WASL: variants seen among roughly 807,000 people sequenced by gnomAD.
WASL encodes the protein WASP like actin nucleation promoting factor, also known as actin nucleation-promoting factor WASL.
Under a neutral mutation model 55.5 loss-of-function variants are expected in WASL, and 20 were observed. The observed-to-expected ratio is 0.36, with a 90% CI of 0.25 to 0.52. The LOEUF is 0.52. Ranked by LOEUF, WASL falls within the 20% of genes least tolerant of loss-of-function variation. The pLI is 0.92. For missense variants in WASL, 504 were observed against 622.5 expected (o/e 0.81, Z 2.03); for synonymous variants, 249 against 217.6 (o/e 1.14, Z -1.27).
At chr7:123,686,193 T>C (rs926854428) in intron 10 of WASL, among the ~76,000 whole-genome samples, 27 of 151,692 alleles carry the variant, frequency 1.8e-4, no homozygotes, top group Non-Finnish European at 3.7e-4. Context: ...AAAACGATAA[T>C]TATTTATTAT....
intron 1 of WASL, among the ~76,000 whole-genome samples, chr7:123,717,756 T>C (rs1239733829): frequency 6.6e-6 from 1 of 152,212 alleles, no homozygotes; most frequent in Non-Finnish European, 1.5e-5. Context: ...CGATAGTAAA[T>C]AAATTTTGAG....
intron 1 of WASL, 100 bp from the exon 2 acceptor site, chr7:123,709,323 C>T (rs1803720160): frequency 1.1e-6 from 1 of 919,258 alleles, no homozygotes. Context: ...CTAAGCTGCT[C>T]CTAAATTCCT....
chr7:123,729,420 A>G (rs73718468), intron 1 of WASL, among the ~76,000 whole-genome samples: 3,271 of 151,572 alleles, frequency 0.022, 139 homozygotes, highest in African/African-American at 0.076. Context: ...AATCAGCACT[A>G]TATTTTTAAT....
rs376787353 is a variant in WASL, at chr7:123,696,678, G to A, written c.530C>T (p.Pro177Leu). The A allele has an allele frequency of 8.1e-5, 130 of 1,603,468 alleles. No individual in the cohort carries two copies. The highest frequency in any genetic ancestry group is 1.0e-4 in the Non-Finnish European group (118 of 1,174,736). The change falls in exon 6 of 11, where the codon CCA becomes CTA. Residue 177 changes from proline to leucine, a missense_variant. Physicochemically the swap from Pro to Leu is moderately conservative, Grantham distance 98. Around this residue, in one of 5 missense-constraint regions of WASL, gnomAD observed 230 missense variants for 271.9 expected, o/e 0.85. Coordinates refer to ENST00000223023, the MANE Select transcript of WASL (RefSeq NM_003941.4). ...GGTATGGGAGATGTTGTTGACTTGT[G>A]GACCATAAAATCTATTTGTTGTGAT... ...PEITTNRFYG[P>L]QVNNISHTKE... is the part of the protein sequence containing the mutation.
chr7:123,706,489 G>C, intron 3 of WASL, 116 bp from the exon 4 acceptor site: 18 of 964,894 alleles, frequency 1.9e-5, no homozygotes, highest in Non-Finnish European at 2.8e-5. Flanking sequence ...AATTTTACTA[G>C]CAGATAAGAC....
At chr7:123,747,548 G>A (rs1462238916) in intron 1 of WASL, among the ~76,000 whole-genome samples, 1 of 152,122 alleles carries the variant, frequency 6.6e-6, no homozygotes, top group Admixed American at 6.5e-5. Flanking sequence ...ATCTGGTTTG[G>A]CATACCTAAT....
At chr7:123,706,972 AG>A in intron 2 of WASL, 146 bp from the exon 3 acceptor site, 1 of 441,836 alleles carries the variant, frequency 2.3e-6, no homozygotes, top group Non-Finnish European at 4.0e-6. Context: ...ATATATAAAT[AG>A]TGTCACATAA....
At chr7:123,692,227 T>C (rs912142493) in intron 9 of WASL, 120 bp downstream of exon 9, 1 of 1,349,618 alleles carries the variant, frequency 7.4e-7, no homozygotes, top group African/African-American at 1.5e-5. Flanking sequence ...ATTTATAGGG[T>C]TAAGAATGAA....
Position 123,694,748 on chromosome 7 carries a change from C to G in WASL, c.793G>C (p.Val265Leu), listed in dbSNP as rs943784702. 6.2e-7 allele frequency: 1 copy of G among 1,613,002 alleles called. No individual in the cohort carries two copies. Among genetic ancestry groups the G allele is most frequent in the African/African-American group, 1.3e-5 (1 of 74,876 alleles). The change falls in exon 8 of 11, where the codon GTT becomes CTT. Residue 265 changes from valine to leucine, a missense_variant. Physicochemically the swap from Val to Leu is conservative, Grantham distance 32. Around this residue, in one of 5 missense-constraint regions of WASL, gnomAD observed 17 missense variants for 58.4 expected, o/e 0.29. Coordinates refer to ENST00000223023, the MANE Select transcript of WASL (RefSeq NM_003941.4). ...CGCAGTTCATTTTTAACAGCTTCAA[C>G]ACCTCCTGTTTTTTCAATAAAGTCA... ...IYDFIEKTGG[V>L]EAVKNELRRQ...
chr7:123,693,540 T>TG (rs1302043895), intron 8 of WASL, among the ~76,000 whole-genome samples: 1 of 152,250 alleles, frequency 6.6e-6, no homozygotes, highest in Non-Finnish European at 1.5e-5. Context: ...AGACATGAAC[T>TG]GGTTATTAAC....
intron 5 of WASL, among the ~76,000 whole-genome samples, chr7:123,699,718 G>A (rs950063849): frequency 2.6e-5 from 4 of 152,086 alleles, no homozygotes; most frequent in African/African-American, 9.7e-5. Flanking sequence ...ATGAGGATAG[G>A]AACAAAATGT....
At chr7:123,691,246 A>AAGAG (rs1320833159) in intron 9 of WASL, among the ~76,000 whole-genome samples, 1 of 151,726 alleles carries the variant, frequency 6.6e-6, no homozygotes, top group Non-Finnish European at 1.5e-5. Flanking sequence ...TCACAGAAAA[A>AAGAG]CTCTATCATC....
chr7:123,737,382 G>C (rs1804252692), intron 1 of WASL, among the ~76,000 whole-genome samples: 1 of 152,042 alleles, frequency 6.6e-6, no homozygotes, highest in Admixed American at 6.6e-5. Flanking sequence ...CAGATAACGA[G>C]GTCAAGAGAT....
chr7:123,700,206 AAC>A (rs1327502002), intron 5 of WASL, among the ~76,000 whole-genome samples: 784 of 60,632 alleles, frequency 0.013, 1 homozygote, highest in Non-Finnish European at 0.02. Context: ...AAAAAAAAAA[AAC>A]AACATTATTT....
intron 7 of WASL, 140 bp from the exon 8 acceptor site, chr7:123,695,008 T>TTTTA: frequency 1.2e-6 from 1 of 840,612 alleles, no homozygotes; most frequent in Non-Finnish European, 1.8e-6. Flanking sequence ...AACTAAAATA[T>TTTTA]TTTATTAAAA....
chr7:123,730,349 C>T (rs60689684), intron 1 of WASL, among the ~76,000 whole-genome samples: 31,795 of 151,722 alleles, frequency 0.21, 4,155 homozygotes, highest in Middle Eastern at 0.31. Flanking sequence ...ATTAAAATAA[C>T]AGTAGACACA....
At chr7:123,704,848 CAAG>C (rs1803643264) in intron 4 of WASL, among the ~76,000 whole-genome samples, 191 bp from the exon 5 acceptor site, 2 of 151,942 alleles carry the variant, frequency 1.3e-5, no homozygotes, top group African/African-American at 2.4e-5. Flanking sequence ...TCAAAGGCCC[CAAG>C]GAGGGTGCAA....
chr7:123,688,815 A>G (rs1316711247), intron 10 of WASL, among the ~76,000 whole-genome samples: 1 of 152,196 alleles, frequency 6.6e-6, no homozygotes, highest in East Asian at 1.9e-4. Flanking sequence ...ATTTATGGCT[A>G]TGGCTGTGGT....
At chr7:123,694,962 C>G (rs1584857279) in intron 7 of WASL, 94 bp from the exon 8 acceptor site, 1 of 1,372,358 alleles carries the variant, frequency 7.3e-7, no homozygotes, top group East Asian at 2.4e-5. Flanking sequence ...AATTATTTTG[C>G]CTAAACTTTT....
Sources: gnomAD v4.1 joint callset for allele counts (sites outside exome capture counted in the v4.1 genomes callset) on GRCh38, gnomAD v4.1.1 for gene constraint, gnomAD v4.1.1 regional missense constraint, MANE v1.5 for transcripts, NCBI Gene and HGNC (gene_info 2026-07-23, HGNC 2026-07-21) for gene names.